Variants in TLR6 observed in about 807,000 individuals in gnomAD.
The protein encoded by TLR6 is toll-like receptor 6.
A neutral mutation model predicts 16.1 loss-of-function variants in TLR6; 9 were observed. The ratio of observed to expected loss-of-function variants is 0.56; its 90% confidence interval spans 0.34 to 0.98. TLR6 has a LOEUF of 0.98. TLR6 is among the 50% of genes least tolerant of loss of function. The pLI is 0.02. For synonymous variants in TLR6, 340 were observed against 338.6 expected (o/e 1.00, Z -0.04); for missense variants, 786 against 921.0 (o/e 0.85, Z 1.90).
exon 2 of TLR6, chr4:38,826,817 A>T: frequency 3.4e-6 from 1 of 291,164 alleles, no homozygotes. Context: ...AGCAGAGTGG[A>T]GAGGAGCTGA....
At chr4:38,859,825 C>T (rs188806275), upstream of TLR6, among the ~76,000 whole-genome samples, 6 of 152,230 alleles carry the variant, frequency 3.9e-5, 1 homozygote, top group Admixed American at 3.9e-4. Flanking sequence ...CTCAGCCTCC[C>T]AAAGTGCTGG....
chr4:38,840,801 A>G (rs1712223279), intron 1 of TLR6, among the ~76,000 whole-genome samples: 1 of 152,234 alleles, frequency 6.6e-6, no homozygotes, highest in East Asian at 1.9e-4. Flanking sequence ...AGGAATGCTC[A>G]TGTTGGTGTA....
intron 1 of TLR6, among the ~76,000 whole-genome samples, chr4:38,855,874 C>T (rs201493155): frequency 8.6e-5 from 10 of 116,952 alleles, no homozygotes; most frequent in Non-Finnish European, 5.3e-5. Flanking sequence ...TAAAAATAAA[C>T]AGGTAAATGC....
At chr4:38,861,690 A>C (rs1002510211), upstream of TLR6, among the ~76,000 whole-genome samples, 1 of 151,638 alleles carries the variant, frequency 6.6e-6, no homozygotes, top group Non-Finnish European at 1.5e-5. Context: ...CCATCCTCCT[A>C]CCCTCCTTAC....
upstream of TLR6, among the ~76,000 whole-genome samples, chr4:38,858,756 AGG>A (rs1389443640): frequency 7.1e-5 from 5 of 69,984 alleles, no homozygotes; most frequent in Admixed American, 5.6e-4. Context: ...AGAGAGAGAG[AGG>A]GAGAGAGAGA....
chr4:38,828,524 A>G (rs1727664700), exon 2 of TLR6: 1 of 1,614,178 alleles, frequency 6.2e-7, no homozygotes. Flanking sequence ...TGAAAACAGA[A>G]AAACTTGGTT....
chr4:38,840,890 G>C (rs1418747685), intron 1 of TLR6, among the ~76,000 whole-genome samples: 1 of 152,166 alleles, frequency 6.6e-6, no homozygotes, highest in Non-Finnish European at 1.5e-5. Context: ...ATTCTCTGAG[G>C]AGAACAGTGC....
Position 38,827,616 on chromosome 4 carries a change from G to A in TLR6, c.1858C>T (p.Gln620Ter). The A allele has an allele frequency of 3.1e-6, 5 of 1,614,176 alleles. No homozygotes were observed. Among genetic ancestry groups the A allele is most frequent in the Non-Finnish European group, 4.2e-6 (5 of 1,180,034 alleles). Residue 620 changes from glutamine (Q) to a stop codon, truncating the protein, a stop_gained, in exon 2 of 2, where the codon CAG (glutamine) becomes TAG (stop). Coordinates refer to ENST00000436693, the Ensembl canonical transcript of TLR6. LOFTEE classifies it high-confidence loss of function. The stretch of plus-strand genomic sequence containing the variant: ...GCCCTGCGCCGAGTCTGGGTCCACT[G>A]GCACACCATCCTGAGATACCAGGGC...
Position 38,829,021 on chromosome 4 carries a change from C to A in TLR6, c.453G>T (p.Leu151Phe). The A allele has an allele frequency of 1.9e-6, 3 of 1,614,096 alleles. No homozygotes were observed. The South Asian group carries it at 3.3e-5, about 18-fold the overall frequency. ...TTTGCAGCTTCATAGCACTCAATCC[C>A]AAGAAATTCAGTTGTGATAAGTTGC... Residue 151 changes from leucine (L) to phenylalanine (F), a missense_variant, in exon 2 of 2, where the codon TTG becomes TTT. By Grantham distance (22) the Leu-to-Phe change is conservative. Transcript: ENST00000436693.
chr4:38,836,431 A>G (rs1711921861), intron 1 of TLR6, among the ~76,000 whole-genome samples: 2 of 152,228 alleles, frequency 1.3e-5, no homozygotes, highest in South Asian at 4.1e-4. Context: ...TGAGCCTGGA[A>G]GAAATAGAAA....
At chr4:38,855,380 T>C (rs892681602) in intron 1 of TLR6, among the ~76,000 whole-genome samples, 2 of 152,196 alleles carry the variant, frequency 1.3e-5, no homozygotes, top group African/African-American at 4.8e-5. Flanking sequence ...TTTAATTTTC[T>C]TTCTTATACT....
chr4:38,860,528 G>T (rs1166257508), upstream of TLR6, among the ~76,000 whole-genome samples: 1 of 109,278 alleles, frequency 9.2e-6, no homozygotes, highest in Non-Finnish European at 1.8e-5. Flanking sequence ...AAACTTCTCT[G>T]CTGAATTAAA....
intron 1 of TLR6, among the ~76,000 whole-genome samples, chr4:38,846,590 A>G (rs965509963): frequency 6.6e-6 from 1 of 152,212 alleles, no homozygotes; most frequent in Non-Finnish European, 1.5e-5. Flanking sequence ...CAGAGGATGG[A>G]GAGTTTAAAA....
intron 1 of TLR6, among the ~76,000 whole-genome samples, chr4:38,854,079 C>T (rs2109474232): frequency 1.3e-5 from 2 of 152,242 alleles, no homozygotes; most frequent in South Asian, 4.1e-4. Context: ...CTATATTTTT[C>T]AAACTTTTAA....
At position 38,844,567 on chromosome 4, in the gene TLR6, T is replaced by G. The variant is rs58878980; in HGVS notation, c.-65+12194A>C. 2.8e-3 allele frequency among the ~76,000 whole-genome samples: 428 copies of G among 152,096 alleles called. 8 individuals are homozygous for G. The East Asian group carries it at 0.051, about 18-fold the overall frequency. Reference sequence around the variant, plus strand: ...ATTTGAATGAGAAATTAATAAAGGATTTAATAGAGACATAAGCTGTACCCT... The same window carrying G: ...ATTTGAATGAGAAATTAATAAAGGAGTTAATAGAGACATAAGCTGTACCCT... On this transcript the variant is annotated intron_variant, in intron 1 of 1. Coordinates refer to ENST00000436693, the Ensembl canonical transcript of TLR6.
At chr4:38,849,070 A>T (rs1300068926) in intron 1 of TLR6, among the ~76,000 whole-genome samples, 2 of 150,304 alleles carry the variant, frequency 1.3e-5, no homozygotes, top group Admixed American at 1.3e-4. Context: ...TCAGACTAAC[A>T]GCTGATCTCT....
At chr4:38,824,595 T>G (rs942050695) in exon 2 of TLR6, 1 of 152,216 alleles carries the variant, frequency 6.6e-6, no homozygotes, top group African/African-American at 2.4e-5. Flanking sequence ...TTTGTTGTTT[T>G]TATTGTTTTT....
At chr4:38,827,343 A>C in exon 2 of TLR6, 1 of 1,614,162 alleles carries the variant, frequency 6.2e-7, no homozygotes, top group Non-Finnish European at 8.5e-7. Flanking sequence ...TAATGGCACC[A>C]CTCACTCTGG....
intron 1 of TLR6, among the ~76,000 whole-genome samples, chr4:38,852,370 AT>A (rs1388960721): frequency 6.6e-6 from 1 of 152,216 alleles, no homozygotes; most frequent in African/African-American, 2.4e-5. Flanking sequence ...AAAAGACAAA[AT>A]TGACAAATGG....
Sources: allele counts gnomAD v4.1 joint callset (sites outside exome capture counted in the v4.1 genomes callset), GRCh38; gene constraint gnomAD v4.1.1; transcripts MANE v1.5; gene names NCBI Gene and HGNC (gene_info 2026-07-23, HGNC 2026-07-21).